The following FTCDNL1 variants were observed in gnomAD, a reference collection of about 807,000 sequenced individuals.
FTCDNL1 encodes the protein formiminotransferase N-terminal subdomain-containing protein.
A neutral mutation model predicts 5.9 loss-of-function variants in FTCDNL1; 11 were observed. The ratio of observed to expected loss-of-function variants is 1.87; its 90% CI spans 1.18 to 3.10. FTCDNL1 has a LOEUF of 3.10. Among genes scored for constraint, FTCDNL1 ranks in the 30% most tolerant of loss-of-function variants. FTCDNL1 has a pLI of 0.00. For synonymous variants in FTCDNL1, 58 were observed against 24.8 expected, an observed-to-expected ratio of 2.34 and a Z score of -3.99; for missense variants, 115 against 65.5, an observed-to-expected ratio of 1.76 and a Z score of -2.61.
At chr2:199,773,155 G>T (rs897122044) in intron 3 of FTCDNL1, among the ~76,000 whole-genome samples, 4 of 152,078 alleles carry the variant, frequency 2.6e-5, no homozygotes, top group Non-Finnish European at 5.9e-5. Flanking sequence ...TTGTAATAGG[G>T]GTGGGGACAG....
chr2:199,786,451 A>G (rs1232278211), intron 3 of FTCDNL1, among the ~76,000 whole-genome samples: 1 of 152,094 alleles, frequency 6.6e-6, no homozygotes, highest in Non-Finnish European at 1.5e-5. Context: ...TTTCCTGCCT[A>G]GCCCTTACTA....
the FTCDNL1 span, among the ~76,000 whole-genome samples, chr2:199,723,535 CTTA>C: frequency 4.1e-4 from 62 of 152,172 alleles, 1 homozygote; most frequent in African/African-American, 1.2e-3. Flanking sequence ...AAAAATGGCT[CTTA>C]TTGTTTTGAA....
intron 3 of FTCDNL1, among the ~76,000 whole-genome samples, chr2:199,787,274 C>A (rs1299254040): frequency 6.6e-6 from 1 of 152,046 alleles, no homozygotes; most frequent in Non-Finnish European, 1.5e-5. Context: ...CCTTCACCTT[C>A]CAGGTTCAAG....
At chr2:199,835,734 C>A (rs1388131937) in intron 3 of FTCDNL1, among the ~76,000 whole-genome samples, 1 of 152,176 alleles carries the variant, frequency 6.6e-6, no homozygotes, top group Non-Finnish European at 1.5e-5. Context: ...CTCAAAAATA[C>A]CAGGGCCTAG....
chr2:199,750,198 A>T, the FTCDNL1 span, among the ~76,000 whole-genome samples: 9 of 151,814 alleles, frequency 5.9e-5, no homozygotes, highest in African/African-American at 2.2e-4. Flanking sequence ...TATAAAAAAA[A>T]ATACAAAAAT....
chr2:199,664,059 C>G, the FTCDNL1 span, among the ~76,000 whole-genome samples: 2 of 149,594 alleles, frequency 1.3e-5, no homozygotes, highest in African/African-American at 2.5e-5. Context: ...AAAAAAAGTA[C>G]TATAATTGAA....
chr2:199,693,327 AAAAAC>A, the FTCDNL1 span, among the ~76,000 whole-genome samples: 1 of 152,220 alleles, frequency 6.6e-6, no homozygotes, highest in African/African-American at 2.4e-5. Flanking sequence ...CTCACAATAC[AAAAAC>A]AAAACAAAAC....
At chr2:199,841,977 A>G (rs766095912) in intron 3 of FTCDNL1, among the ~76,000 whole-genome samples, 1 of 152,266 alleles carries the variant, frequency 6.6e-6, no homozygotes, top group Admixed American at 6.5e-5. Flanking sequence ...TTCATAATCT[A>G]GCCAAGTGCG....
the FTCDNL1 span, among the ~76,000 whole-genome samples, chr2:199,723,760 T>G: frequency 4.6e-5 from 7 of 152,212 alleles, no homozygotes; most frequent in Non-Finnish European, 8.8e-5. Context: ...GATAAGCTTT[T>G]TGATGTGCTG....
chr2:199,771,459 C>T (rs1443231535), intron 3 of FTCDNL1, among the ~76,000 whole-genome samples: 1 of 152,074 alleles, frequency 6.6e-6, no homozygotes, highest in Admixed American at 6.6e-5. Context: ...GCTTCTTGAA[C>T]CATAAAAAAT....
chr2:199,742,163 T>C, the FTCDNL1 span, among the ~76,000 whole-genome samples: 2 of 152,124 alleles, frequency 1.3e-5, no homozygotes, highest in African/African-American at 4.8e-5. Flanking sequence ...TCTGTGTTCA[T>C]CTGATCCCCT....
chr2:199,668,917 A>C, the FTCDNL1 span, among the ~76,000 whole-genome samples: 2 of 152,180 alleles, frequency 1.3e-5, no homozygotes, highest in African/African-American at 4.8e-5. Context: ...GATACAGTGT[A>C]GGATGAAGCA....
chr2:199,688,964 G>A, the FTCDNL1 span, among the ~76,000 whole-genome samples: 10 of 152,340 alleles, frequency 6.6e-5, no homozygotes, highest in Admixed American at 4.6e-4. Context: ...CAGGAGAATC[G>A]CTTCAACCTT....
At chr2:199,827,504 A>C (rs991791409) in intron 3 of FTCDNL1, among the ~76,000 whole-genome samples, 1 of 152,148 alleles carries the variant, frequency 6.6e-6, no homozygotes, top group Non-Finnish European at 1.5e-5. Context: ...GTTGGGTGTG[A>C]TGGTGGCATT....
chr2:199,750,355 C>CTAAATAAATAAA, the FTCDNL1 span, among the ~76,000 whole-genome samples: 1 of 148,624 alleles, frequency 6.7e-6, no homozygotes, highest in African/African-American at 2.5e-5. Context: ...GAAATGTTGT[C>CTAAATAAATAAA]TAAATAAATA....
chr2:199,750,839 A>G, the FTCDNL1 span, among the ~76,000 whole-genome samples: 1 of 152,240 alleles, frequency 6.6e-6, no homozygotes, highest in Non-Finnish European at 1.5e-5. Flanking sequence ...GGCTTGAAGG[A>G]GATGAAAAAC....
At chr2:199,737,281 C>A in the FTCDNL1 span, among the ~76,000 whole-genome samples, 6 of 152,132 alleles carry the variant, frequency 3.9e-5, no homozygotes, top group African/African-American at 1.4e-4. Context: ...CAGGTTAATA[C>A]ATATAAAGCA....
At chr2:199,728,361 C>T in the FTCDNL1 span, among the ~76,000 whole-genome samples, 4 of 152,048 alleles carry the variant, frequency 2.6e-5, no homozygotes, top group African/African-American at 9.7e-5. Context: ...ATTCTCCTGC[C>T]TCAGCCACCT....
chr2:199,783,968 G>A (rs772766093), intron 3 of FTCDNL1, among the ~76,000 whole-genome samples: 1 of 152,180 alleles, frequency 6.6e-6, no homozygotes, highest in Non-Finnish European at 1.5e-5. Flanking sequence ...AAGATGATAA[G>A]TGCATCATTC....
Sources: gnomAD v4.1 joint callset for allele counts (sites outside exome capture counted in the v4.1 genomes callset) on GRCh38, gnomAD v4.1.1 for gene constraint, MANE v1.5 for transcripts, NCBI Gene and HGNC (gene_info 2026-07-23, HGNC 2026-07-21) for gene names.